Variants in AMPH observed in about 807,000 individuals in gnomAD.
AMPH encodes the protein amphiphysin, also known as amphiphysin (Stiff-Mann syndrome with breast cancer 128kD autoantigen).
Under a neutral mutation model 99.1 loss-of-function variants are expected in AMPH, and 49 were observed. The observed-to-expected ratio is 0.49, with a 90% CI of 0.39 to 0.63. The LOEUF is 0.63. Among genes scored for constraint, AMPH ranks in the 20% least tolerant of loss-of-function variants. The pLI is 0.00. For missense variants in AMPH, 759 were observed against 863.4 expected (o/e 0.88, Z 1.52); for synonymous variants, 314 against 317.3 (o/e 0.99, Z 0.11).
intron 1 of AMPH, among the ~76,000 whole-genome samples, chr7:38,605,813 C>G (rs1396630469): frequency 6.6e-6 from 1 of 152,102 alleles, no homozygotes; most frequent in Non-Finnish European, 1.5e-5. Flanking sequence ...AACTTCTGAC[C>G]TCAGGTGATT....
rs1469174246 is a variant in AMPH at position 38,565,072 on chromosome 7, C to T, written c.70-30061G>A. ...CCGGGAGGCAGAGTTTGCAGTGAGC[C>T]GAGATCGTGCCACTGCACTCCAGCC... On this transcript the variant is annotated intron_variant, in intron 1 of 20. Transcript: ENST00000356264. Among the ~76,000 whole-genome samples, 14 of 150,298 alleles carry T rather than the reference C, an allele frequency of 9.3e-5. No individual in the cohort carries two copies. The East Asian group carries it at 9.9e-4, about 11-fold the overall frequency.
intron 5 of AMPH, among the ~76,000 whole-genome samples, chr7:38,481,675 C>T (rs1231586434): frequency 2.0e-5 from 3 of 152,090 alleles, no homozygotes. Flanking sequence ...TAAACATCAT[C>T]CCCTCATGAA....
chr7:38,521,739 G>A (rs569808402), intron 2 of AMPH, among the ~76,000 whole-genome samples: 2 of 152,068 alleles, frequency 1.3e-5, no homozygotes, highest in African/African-American at 2.4e-5. Context: ...CTCTGTTGGA[G>A]GGATTCCCAT....
At position 38,465,553 on chromosome 7, in the gene AMPH, A is replaced by C; in HGVS notation, c.667-4T>G. On this transcript the variant is annotated splice_region_variant and splice_polypyrimidine_tract_variant and intron_variant, in intron 8 of 20. Transcript: ENST00000356264. ...CTTCATACAGTTTGTGGCAAAGCTA[A>C]GGGGACAGAGGCCACTTGTCTATTA... 1 of 1,573,904 alleles carries C rather than the reference A, an allele frequency of 6.4e-7. No individual in the cohort carries two copies. The highest frequency in any genetic ancestry group is 8.6e-7 in the Non-Finnish European group (1 of 1,157,582).
At chr7:38,464,096 T>C (rs1787559958) in intron 9 of AMPH, 1 of 1,289,678 alleles carries the variant, frequency 7.8e-7, no homozygotes, top group African/African-American at 1.5e-5. Context: ...CACCACCTCA[T>C]TCTGCAGAGG....
chr7:38,628,071 G>A (rs550147850), intron 1 of AMPH, among the ~76,000 whole-genome samples: 20 of 152,294 alleles, frequency 1.3e-4, no homozygotes, highest in African/African-American at 4.6e-4. Flanking sequence ...AGAAAGAATG[G>A]TTGTAACCCT....
chr7:38,513,134 A>T (rs940199588), intron 2 of AMPH, among the ~76,000 whole-genome samples: 5 of 152,238 alleles, frequency 3.3e-5, no homozygotes, highest in African/African-American at 1.2e-4. Flanking sequence ...CTTATATTTT[A>T]AAAACTTTAA....
At chr7:38,568,742 C>G (rs1173060907) in intron 1 of AMPH, among the ~76,000 whole-genome samples, 1 of 152,164 alleles carries the variant, frequency 6.6e-6, no homozygotes, top group Non-Finnish European at 1.5e-5. Flanking sequence ...ACTCCAGGAC[C>G]ATGACTGACT....
chr7:38,610,772 G>A (rs1386276349), intron 1 of AMPH, among the ~76,000 whole-genome samples: 1 of 152,088 alleles, frequency 6.6e-6, no homozygotes, highest in Non-Finnish European at 1.5e-5. Flanking sequence ...AAAAAGGAAT[G>A]TAAAACATTT....
At chr7:38,481,018 A>T (rs1788264151) in intron 5 of AMPH, among the ~76,000 whole-genome samples, 1 of 152,218 alleles carries the variant, frequency 6.6e-6, no homozygotes, top group Non-Finnish European at 1.5e-5. Context: ...GTTCAAAAAC[A>T]AGAAGCAAAG....
At chr7:38,426,926 G>C in intron 15 of AMPH, 28 bp downstream of exon 15, 4 of 1,606,924 alleles carry the variant, frequency 2.5e-6, no homozygotes, top group Admixed American at 1.7e-5. Flanking sequence ...CTCAGCAGAT[G>C]GATCTTGTAA....
chr7:38,440,982 T>C (rs1235635881), intron 11 of AMPH, among the ~76,000 whole-genome samples: 1 of 151,990 alleles, frequency 6.6e-6, no homozygotes, highest in Non-Finnish European at 1.5e-5. Flanking sequence ...GATTATCTAA[T>C]TGTACAAAAA....
At chr7:38,537,216 AAAT>A (rs1322942633) in intron 1 of AMPH, among the ~76,000 whole-genome samples, 3 of 152,166 alleles carry the variant, frequency 2.0e-5, no homozygotes, top group African/African-American at 4.8e-5. Flanking sequence ...TATAAACTGA[AAAT>A]AAGACTTCCA....
intron 3 of AMPH, among the ~76,000 whole-genome samples, chr7:38,497,503 G>A (rs1584169671): frequency 6.6e-6 from 1 of 152,256 alleles, no homozygotes; most frequent in South Asian, 2.1e-4. Flanking sequence ...AGCCAAATTT[G>A]TGAGCTTCTA....
chr7:38,479,749 AAATT>A (rs139134717), intron 5 of AMPH, among the ~76,000 whole-genome samples: 15,122 of 151,542 alleles, frequency 0.1, 1,154 homozygotes, highest in East Asian at 0.3. Context: ...ACTAAGAAAT[AAATT>A]AATAAAGAAG....
At chr7:38,568,547 A>G (rs1159992997) in intron 1 of AMPH, among the ~76,000 whole-genome samples, 1 of 152,258 alleles carries the variant, frequency 6.6e-6, no homozygotes, top group African/African-American at 2.4e-5. Flanking sequence ...TCTGAAGCAA[A>G]TAAGTGTTAT....
chr7:38,544,472 T>C (rs947285743), intron 1 of AMPH, among the ~76,000 whole-genome samples: 3 of 152,130 alleles, frequency 2.0e-5, no homozygotes, highest in African/African-American at 7.2e-5. Context: ...CATGAACAGA[T>C]CCCAAGATGT....
rs1397360849 is a variant in AMPH, at chr7:38,436,904, C to T, written c.1018-516G>A. Among the ~76,000 whole-genome samples the T allele has an allele frequency of 2.0e-5, 3 of 152,166 alleles. No homozygotes were observed. The East Asian group carries it at 5.8e-4, about 29-fold the overall frequency. On this transcript the variant is annotated intron_variant, in intron 11 of 20. Transcript: ENST00000356264. ...TCATTCCCTCACTGGTACCCTACCC[C>T]TTGATTTGGTTATCATTTGATCCAG... is the stretch of plus-strand genomic sequence containing the variant.
In AMPH at chr7:38,429,538, T is replaced by C. The variant is rs544917694; in HGVS notation, c.1182+304A>G. The C allele has an allele frequency of 1.0e-5, 14 of 1,397,556 alleles. No individual in the cohort carries two copies. The South Asian group carries it at 1.6e-4, about 16-fold the overall frequency. The allele number at this position is 1,397,556 out of a possible 1,614,324, so 86.6% of individuals were successfully genotyped here. A position where few individuals can be genotyped will look rare whatever the true frequency, so the allele number is the denominator to read the frequency against. ...AACCCACTGTCTGGAGTTTCCTCCA[T>C]GATCAGGTTACACAAGGAAAGACTT... is the stretch of plus-strand genomic sequence containing the variant. On this transcript the variant is annotated intron_variant, in intron 14 of 20. Coordinates refer to ENST00000356264, the MANE Select transcript of AMPH (RefSeq NM_001635.4).
Sources: allele counts gnomAD v4.1 joint callset (sites outside exome capture counted in the v4.1 genomes callset), GRCh38; gene constraint gnomAD v4.1.1; transcripts MANE v1.5; gene names NCBI Gene and HGNC (gene_info 2026-07-23, HGNC 2026-07-21).